CFAP54: variants seen among roughly 807,000 people sequenced by gnomAD.
The protein encoded by CFAP54 is cilia- and flagella-associated protein 54.
In CFAP54, 290 loss-of-function variants were observed where a neutral mutation model predicts 370.4. The observed-to-expected ratio is 0.78, with a 90% confidence interval of 0.71 to 0.86. CFAP54 has a LOEUF of 0.86. Ranked by LOEUF, CFAP54 falls within the 40% of genes least tolerant of loss-of-function variation. The pLI, the probability that CFAP54 is intolerant of heterozygous loss-of-function variation, is 0.00. For synonymous variants in CFAP54, 1,206 were observed against 1,236.5 expected (o/e 0.98, Z 0.52); for missense variants, 3,399 against 3,528.7 (o/e 0.96, Z 0.93).
At chr12:96,689,662 C>G (rs751795497) in intron 43 of CFAP54, among the ~76,000 whole-genome samples, 4 of 152,082 alleles carry the variant, frequency 2.6e-5, no homozygotes, top group Non-Finnish European at 5.9e-5. Context: ...TAAAATCTAT[C>G]TTATGATAAA....
chr12:96,500,916 G>T lies in CFAP54; in HGVS notation c.400G>T (p.Gly134Ter). ...TTACAACGAAAAGCTTCTGAAGGTTGGAGATAGCCTTTGTCAAATGAAAGT... is the reference window on the plus strand; with the variant it reads ...TTACAACGAAAAGCTTCTGAAGGTTTGAGATAGCCTTTGTCAAATGAAAGT... ...DYYNEKLLKV[G>*]DSLCQMKEYK... Residue 134 changes from glycine to a stop codon, truncating the protein, a stop_gained, in exon 2 of 68, where the codon GGA becomes TGA. Transcript: ENST00000524981. LOFTEE classifies it high-confidence loss of function. 1.3e-6 allele frequency: 2 copies of T among 1,535,108 alleles called. No homozygotes were observed. Among genetic ancestry groups the T allele is most frequent in the Non-Finnish European group, 1.7e-6 (2 of 1,146,192 alleles).
intron 5 of CFAP54, among the ~76,000 whole-genome samples, chr12:96,515,072 G>A (rs1219407024): frequency 2.0e-5 from 3 of 149,684 alleles, no homozygotes; most frequent in Non-Finnish European, 3.0e-5. Context: ...CAGTGGCGCC[G>A]TCTTAGCTCA....
intron 9 of CFAP54, among the ~76,000 whole-genome samples, chr12:96,528,537 TA>T (rs1010018268): frequency 6.6e-6 from 1 of 152,202 alleles, no homozygotes; most frequent in Non-Finnish European, 1.5e-5. Flanking sequence ...CCTACATGTT[TA>T]GTTGAATTTT....
At chr12:96,723,140 T>C (rs1166181222) in intron 50 of CFAP54, among the ~76,000 whole-genome samples, 1 of 152,224 alleles carries the variant, frequency 6.6e-6, no homozygotes, top group Non-Finnish European at 1.5e-5. Context: ...CAAAATATTT[T>C]ATGTACCCTG....
intron 64 of CFAP54, among the ~76,000 whole-genome samples, chr12:96,815,272 C>A (rs967285508): frequency 6.6e-6 from 1 of 152,052 alleles, no homozygotes; most frequent in Non-Finnish European, 1.5e-5. Context: ...TGGTATCTCA[C>A]TGTGGTTTTG....
intron 13 of CFAP54, among the ~76,000 whole-genome samples, chr12:96,540,490 C>T (rs1354311852): frequency 6.6e-6 from 1 of 152,126 alleles, no homozygotes; most frequent in African/African-American, 2.4e-5. Flanking sequence ...ATAATAGCTG[C>T]TTCAAAGGGA....
intron 1 of CFAP54, among the ~76,000 whole-genome samples, chr12:96,497,748 G>C (rs550993001): frequency 2.0e-4 from 30 of 152,328 alleles, no homozygotes; most frequent in South Asian, 1.9e-3. Context: ...ACATGAAAAC[G>C]TTGAGGATAG....
At chr12:96,663,758 A>G in intron 38 of CFAP54, 72 bp from the exon 39 acceptor site, 1 of 1,046,170 alleles carries the variant, frequency 9.6e-7, no homozygotes, top group Non-Finnish European at 1.4e-6. Flanking sequence ...AAATGAGAGA[A>G]ACATTTCAAG....
chr12:96,683,837 G>C (rs956493000), intron 40 of CFAP54, among the ~76,000 whole-genome samples: 3 of 150,956 alleles, frequency 2.0e-5, no homozygotes, highest in Admixed American at 1.3e-4. Context: ...TGTTGCCCAG[G>C]CTGGAGTACA....
At chr12:96,574,704 T>C (rs765645271) in intron 19 of CFAP54, among the ~76,000 whole-genome samples, 6 of 152,098 alleles carry the variant, frequency 3.9e-5, no homozygotes, top group Non-Finnish European at 5.9e-5. Flanking sequence ...CTTGCATTCC[T>C]GGGAAAAAGA....
rs1555283277 is a variant in CFAP54, at chr12:96,664,759, A to ATCTATATC, written c.5563+828_5563+829insCTATATCT. The stretch of plus-strand genomic sequence containing the variant: ...TATATCTATATATATATATATCTAT[A>ATCTATATC]TATATCTATATCTATATCTATATAT... On this transcript the variant is annotated intron_variant, in intron 39 of 67. Coordinates refer to ENST00000524981, the MANE Select transcript of CFAP54 (RefSeq NM_001306084.2). Among the ~76,000 whole-genome samples the ATCTATATC allele has an allele frequency of 2.7e-4, 7 of 26,132 alleles. No individual in the cohort carries two copies. In the East Asian group the frequency reaches 3.9e-3, roughly 14 times the overall value. 17.1% of individuals were successfully genotyped at this position (26,132 alleles called of 152,430 possible).
In CFAP54 at chr12:96,554,594, A is replaced by C. The variant is rs1326079257; in HGVS notation, c.2284-82A>C. On this transcript the variant is annotated intron_variant, in intron 16 of 67. Coordinates refer to ENST00000524981, the MANE Select transcript of CFAP54 (RefSeq NM_001306084.2). Reference sequence around the variant, plus strand: ...AATGGTTACAAATAAGATGATGATAACTTGAGTGATAATAGTATACAGCTA... The same window carrying C: ...AATGGTTACAAATAAGATGATGATACCTTGAGTGATAATAGTATACAGCTA... The C allele has an allele frequency of 3.1e-6, 4 of 1,311,190 alleles. No homozygotes were observed. The East Asian group carries it at 1.0e-4, about 34-fold the overall frequency. The allele number at this position is 1,311,190 out of a possible 1,614,324, so 81.2% of individuals were successfully genotyped here. A position where few individuals can be genotyped will look rare whatever the true frequency, so the allele number is the denominator to read the frequency against.
At position 96,527,292 on chromosome 12, in the gene CFAP54, T is replaced by A; in HGVS notation, c.1205T>A (p.Phe402Tyr). 1 of 1,534,748 alleles carries A rather than the reference T, an allele frequency of 6.5e-7. No individual in the cohort carries two copies. The highest frequency in any genetic ancestry group is 1.2e-5 in the South Asian group (1 of 83,714). The change falls in exon 9 of 68, where the codon TTT (phenylalanine) becomes TAT (tyrosine). Residue 402 changes from phenylalanine (F) to tyrosine (Y), a missense_variant. Phe to Tyr is a conservative substitution (Grantham distance 22). This residue lies in a region of CFAP54 where 559 missense variants were observed against 576.7 expected (regional missense o/e 0.97). Transcript: ENST00000524981. The part of the protein sequence containing the change: ...TVTERLLDEM[F>Y]DSTASQFLAV... ...ACAGAGCGGCTACTGGATGAGATGT[T>A]TGATAGCACTGCATCCCAGTTTCTG...
chr12:96,527,561 TTG>T (rs1491038022), intron 9 of CFAP54, 117 bp downstream of exon 9: 48 of 606,572 alleles, frequency 7.9e-5, no homozygotes, highest in Middle Eastern at 8.8e-4. Context: ...TTTTTTTTTT[TTG>T]TTTGGTTGTT....
At chr12:96,755,568 C>T (rs2371196) in intron 56 of CFAP54, among the ~76,000 whole-genome samples, 55,938 of 151,926 alleles carry the variant, frequency 0.37, 11,289 homozygotes, top group East Asian at 0.58. Flanking sequence ...GAATAATGTC[C>T]TCCAGGTTCA....
intron 2 of CFAP54, among the ~76,000 whole-genome samples, chr12:96,501,884 A>G (rs1030803919): frequency 1.3e-5 from 2 of 152,218 alleles, no homozygotes; most frequent in Non-Finnish European, 2.9e-5. Context: ...GGGTCTTAGA[A>G]ACTTGAAAAT....
intron 65 of CFAP54, among the ~76,000 whole-genome samples, chr12:96,825,646 A>G (rs1290763717): frequency 2.5e-5 from 3 of 121,874 alleles, no homozygotes; most frequent in Non-Finnish European, 4.7e-5. Flanking sequence ...ACCCTATTGT[A>G]TATTATATAT....
intron 1 of CFAP54, among the ~76,000 whole-genome samples, chr12:96,490,725 TA>T (rs1360532074): frequency 1.3e-5 from 2 of 151,686 alleles, no homozygotes; most frequent in African/African-American, 4.8e-5. Flanking sequence ...TAAAATAAAA[TA>T]TTTTTTATTT....
At chr12:96,494,253 A>C (rs1954922400) in intron 1 of CFAP54, among the ~76,000 whole-genome samples, 1 of 152,134 alleles carries the variant, frequency 6.6e-6, no homozygotes, top group Non-Finnish European at 1.5e-5. Flanking sequence ...GGCCATTTTA[A>C]AGAGTTTGCA....
Sources: gnomAD v4.1 joint callset for allele counts (sites outside exome capture counted in the v4.1 genomes callset) on GRCh38, gnomAD v4.1.1 for gene constraint, gnomAD v4.1.1 regional missense constraint, MANE v1.5 for transcripts, NCBI Gene and HGNC (gene_info 2026-07-23, HGNC 2026-07-21) for gene names.